The following SLC2A9 variants were observed in gnomAD, a reference collection of about 807,000 sequenced individuals.
SLC2A9 encodes solute carrier family 2 member 9, also known as solute carrier family 2, facilitated glucose transporter member 9.
A neutral mutation model predicts 50.6 loss-of-function variants in SLC2A9; 39 were observed. The observed-to-expected ratio is 0.77, with a 90% CI of 0.60 to 1.01. The LOEUF (loss-of-function observed/expected upper bound fraction) is 1.01, where lower values mean the gene tolerates loss of function less well. Among genes scored for constraint, SLC2A9 ranks in the 50% least tolerant of loss-of-function variants. SLC2A9 has a pLI of 0.00. For synonymous variants in SLC2A9, 324 were observed against 276.9 expected, an observed-to-expected ratio of 1.17 and a Z score of -1.69; for missense variants, 686 against 677.6, an observed-to-expected ratio of 1.01 and a Z score of -0.14.
chr4:9,849,291 C>T (rs1361568248), intron 10 of SLC2A9, among the ~76,000 whole-genome samples: 1 of 152,144 alleles, frequency 6.6e-6, no homozygotes, highest in Non-Finnish European at 1.5e-5. Flanking sequence ...TGGAGGCAGA[C>T]TGGGACACTG....
At chr4:10,026,503 C>A (rs770870270) in intron 1 of SLC2A9, among the ~76,000 whole-genome samples, 2 of 152,170 alleles carry the variant, frequency 1.3e-5, no homozygotes, top group African/African-American at 2.4e-5. Flanking sequence ...AGCAATTCCA[C>A]CACCACATCG....
chr4:9,889,548 T>A (rs1736962633), intron 9 of SLC2A9, among the ~76,000 whole-genome samples: 1 of 152,182 alleles, frequency 6.6e-6, no homozygotes, highest in African/African-American at 2.4e-5. Flanking sequence ...CAGCACATTG[T>A]CCCTGAAGGC....
intron 3 of SLC2A9, chr4:9,782,024 C>G (rs563430281): frequency 8.9e-6 from 13 of 1,457,906 alleles, no homozygotes; most frequent in African/African-American, 4.3e-5. Context: ...TGCAGTCCAG[C>G]CCGAAATGCT....
At chr4:9,880,062 C>A (rs1348356531) in intron 10 of SLC2A9, 2 of 985,340 alleles carry the variant, frequency 2.0e-6, no homozygotes, top group Non-Finnish European at 2.4e-6. Context: ...GCCCATGAGT[C>A]TCTCTGCCAT....
chr4:10,009,864 T>C (rs1761460825), intron 2 of SLC2A9: 1 of 152,252 alleles, frequency 6.6e-6, no homozygotes, highest in Non-Finnish European at 1.5e-5. Flanking sequence ...CTGTTTATAA[T>C]ATGCATTTGT....
At chr4:9,931,335 A>G (rs1745867211) in intron 6 of SLC2A9, among the ~76,000 whole-genome samples, 1 of 152,218 alleles carries the variant, frequency 6.6e-6, no homozygotes, top group Non-Finnish European at 1.5e-5. Context: ...TGCATTTCCC[A>G]ACTGGGAAAA....
At chr4:9,804,594 C>T (rs1407748044) in intron 3 of SLC2A9, among the ~76,000 whole-genome samples, 1 of 152,156 alleles carries the variant, frequency 6.6e-6, no homozygotes, top group Non-Finnish European at 1.5e-5. Flanking sequence ...ATGCTGCTCC[C>T]CTCCTCTCCT....
intron 3 of SLC2A9, among the ~76,000 whole-genome samples, chr4:9,780,306 T>G (rs185692275): frequency 6.6e-6 from 1 of 152,264 alleles, no homozygotes; most frequent in East Asian, 1.9e-4. Flanking sequence ...TGGACAGGGA[T>G]GTCCATGGCC....
At chr4:9,908,794 C>T (rs1001053838) in intron 7 of SLC2A9, among the ~76,000 whole-genome samples, 3 of 152,158 alleles carry the variant, frequency 2.0e-5, no homozygotes, top group Admixed American at 6.5e-5. Flanking sequence ...AGTTTTCTTG[C>T]AGCCAAGTGT....
Position 9,781,434 on chromosome 4 carries a change from CCGG to C in SLC2A9, n.386-1372_386-1370del, listed in dbSNP as rs201442705. 7.5e-4 allele frequency among the ~76,000 whole-genome samples: 114 copies of C among 152,348 alleles called. 1 individual carries two copies. The East Asian group carries it at 0.017, about 23-fold the overall frequency. The stretch of plus-strand genomic sequence containing the variant: ...ATGCGCCAAGCACCCTTCGGTTTTC[CCGG>C]GGAGAATTTTCCCCGGCCCGGGGAC... On this transcript the variant is annotated intron_variant and non_coding_transcript_variant, in intron 3 of 3. Coordinates refer to the SLC2A9 transcript ENST00000503803.
At chr4:9,949,218 C>T (rs948802277) in intron 5 of SLC2A9, among the ~76,000 whole-genome samples, 1 of 152,132 alleles carries the variant, frequency 6.6e-6, no homozygotes, top group African/African-American at 2.4e-5. Context: ...CACCCATTGC[C>T]TTGTTCCTTT....
At chr4:9,913,330 TGAGAGAGAGAGA>T (rs968021703) in intron 7 of SLC2A9, among the ~76,000 whole-genome samples, 16 of 88,808 alleles carry the variant, frequency 1.8e-4, no homozygotes, top group African/African-American at 7.4e-4. Flanking sequence ...TGTGTGTGTG[TGAGAGAGAGAGA>T]GAGAGAGAGA....
downstream of SLC2A9, among the ~76,000 whole-genome samples, chr4:9,775,864 A>G (rs1475929421): frequency 6.6e-6 from 1 of 152,188 alleles, no homozygotes; most frequent in African/African-American, 2.4e-5. Context: ...CCATCTTTGG[A>G]GACTAGCTAG....
intron 3 of SLC2A9, among the ~76,000 whole-genome samples, chr4:9,810,429 C>A (rs986646037): frequency 6.6e-6 from 1 of 152,176 alleles, no homozygotes; most frequent in Admixed American, 6.5e-5. Context: ...CTCAGGGAGA[C>A]CCTTTAAGGG....
intron 5 of SLC2A9, among the ~76,000 whole-genome samples, chr4:9,963,693 A>G (rs1267927264): frequency 6.6e-6 from 1 of 152,184 alleles, no homozygotes; most frequent in East Asian, 1.9e-4. Flanking sequence ...GAATGTAGAA[A>G]AAGGAGGTTG....
At chr4:9,817,578 G>A (rs966773681) in intron 3 of SLC2A9, among the ~76,000 whole-genome samples, 1 of 152,190 alleles carries the variant, frequency 6.6e-6, no homozygotes, top group Non-Finnish European at 1.5e-5. Context: ...AGTCACATTT[G>A]TATGAGTGTC....
intron 5 of SLC2A9, among the ~76,000 whole-genome samples, chr4:9,942,428 A>G (rs12498742): frequency 0.32 from 48,908 of 152,074 alleles, 9,342 homozygotes; most frequent in African/African-American, 0.52. Context: ...GGCTGCCCCA[A>G]GAATGGAGCC....
intron 10 of SLC2A9, among the ~76,000 whole-genome samples, chr4:9,849,314 T>C (rs1439947334): frequency 2.0e-5 from 3 of 152,192 alleles, no homozygotes; most frequent in South Asian, 4.1e-4. Context: ...TAGGAAACAG[T>C]AGTTCAGAAC....
At chr4:9,977,531 C>A (rs1754995060) in intron 5 of SLC2A9, among the ~76,000 whole-genome samples, 1 of 149,304 alleles carries the variant, frequency 6.7e-6, no homozygotes, top group Admixed American at 6.7e-5. Context: ...AGCGGTCTCT[C>A]CCTCTCCCTC....
Sources: gnomAD v4.1 joint callset for allele counts (sites outside exome capture counted in the v4.1 genomes callset) on GRCh38, gnomAD v4.1.1 for gene constraint, MANE v1.5 for transcripts, NCBI Gene and HGNC (gene_info 2026-07-23, HGNC 2026-07-21) for gene names.